SCAF8: variants seen among roughly 807,000 people sequenced by gnomAD.
SCAF8 encodes the protein SR-related CTD associated factor 8, also known as SR-related and CTD-associated factor 8.
Under a neutral mutation model 140.5 loss-of-function variants are expected in SCAF8, and 23 were observed. The observed-to-expected ratio is 0.16, with a 90% CI of 0.12 to 0.23. The LOEUF is 0.23. Ranked by LOEUF, SCAF8 falls within the 10% of genes least tolerant of loss-of-function variation. The probability of loss-of-function intolerance (pLI) is 1.00; values close to 1 mark genes in which losing one functional copy is unlikely to be tolerated. For synonymous variants in SCAF8, 575 were observed against 528.9 expected (o/e 1.09, Z -1.20); for missense variants, 1,397 against 1,555.7 (o/e 0.90, Z 1.72).
At chr6:154,758,986 T>G (rs1409134897) in intron 1 of SCAF8, among the ~76,000 whole-genome samples, 1 of 152,152 alleles carries the variant, frequency 6.6e-6, no homozygotes, top group Non-Finnish European at 1.5e-5. Context: ...AGATCAAAGC[T>G]AGGAGATCAT....
Position 154,771,651 on chromosome 6 carries a change from C to A in SCAF8, c.31-2338C>A, listed in dbSNP as rs538831454. Among the ~76,000 whole-genome samples the A allele has an allele frequency of 5.9e-5, 9 of 152,176 alleles. No homozygotes were observed. In the South Asian group the frequency reaches 1.9e-3, roughly 32 times the overall value. On this transcript the variant is annotated intron_variant, in intron 1 of 19. Coordinates refer to ENST00000367178, the MANE Select transcript of SCAF8 (RefSeq NM_014892.5). ...GTGAATTAATGCAGGAACAGAAAACCAAATGCATGTTCTCACAAGTGAGAG... is the reference window on the plus strand; with the variant it reads ...GTGAATTAATGCAGGAACAGAAAACAAAATGCATGTTCTCACAAGTGAGAG...
chr6:154,776,297 GTA>G (rs763251453), intron 2 of SCAF8, among the ~76,000 whole-genome samples: 3,760 of 43,210 alleles, frequency 0.087, 57 homozygotes, highest in African/African-American at 0.15. Context: ...GTGTATATAT[GTA>G]TATATATATA....
intron 1 of SCAF8, among the ~76,000 whole-genome samples, chr6:154,735,695 G>A (rs952708268): frequency 2.0e-5 from 3 of 151,830 alleles, no homozygotes; most frequent in African/African-American, 7.3e-5. Context: ...TGTATTTTTA[G>A]TAGAGATGGG....
intron 4 of SCAF8, among the ~76,000 whole-genome samples, chr6:154,788,618 A>G (rs1777322844): frequency 6.6e-6 from 1 of 152,220 alleles, no homozygotes; most frequent in Admixed American, 6.5e-5. Context: ...GAATTACATG[A>G]AACTTATTCA....
At chr6:154,827,387 A>G in intron 18 of SCAF8, 147 bp downstream of exon 18, 3 of 602,610 alleles carry the variant, frequency 5.0e-6, no homozygotes, top group Non-Finnish European at 8.5e-6. Context: ...AATACGGTAA[A>G]TGACAGTTCT....
intron 5 of SCAF8, among the ~76,000 whole-genome samples, chr6:154,793,804 A>G (rs1476945960): frequency 6.8e-6 from 1 of 146,328 alleles, no homozygotes; most frequent in East Asian, 2.0e-4. Context: ...AACAAGAGCA[A>G]AACTCTGTCT....
In SCAF8 at chr6:154,815,792, G is replaced by A; in HGVS notation, c.1497G>A (p.Glu499=). The change falls in exon 13 of 20, where the codon GAG becomes GAA. Residue 499 remains glutamate (E), a synonymous_variant. Coordinates refer to ENST00000367178, the MANE Select transcript of SCAF8 (RefSeq NM_014892.5). ...TQQDLTNLFE[E]FGQIESINMI... ...AAGACTTAACCAACCTGTTTGAAGA[G>A]TTTGGACAGATTGAATCCATTAATG... is the stretch of plus-strand genomic sequence containing the variant. The A allele has an allele frequency of 6.2e-7, 1 of 1,611,580 alleles. No individual in the cohort carries two copies. The highest frequency in any genetic ancestry group is 1.1e-5 in the South Asian group (1 of 91,014).
chr6:154,821,716 T>A (rs1778427736), intron 15 of SCAF8, among the ~76,000 whole-genome samples: 1 of 152,178 alleles, frequency 6.6e-6, no homozygotes, highest in South Asian at 2.1e-4. Context: ...CCATTATAGC[T>A]TGCGCAGAGT....
chr6:154,760,740 A>G lies in SCAF8; in HGVS notation c.31-13249A>G, dbSNP rs555746134. 7.6e-4 allele frequency among the ~76,000 whole-genome samples: 115 copies of G among 152,140 alleles called. 1 individual carries two copies. The highest frequency in any genetic ancestry group is 7.6e-4 in the Non-Finnish European group (52 of 67,994). ...TTTTTTTGTATTTTCCAATTTTTTC[A>G]TATTAAAATATTTTATGCCACAAAA... On this transcript the variant is annotated intron_variant, in intron 1 of 19. Transcript: ENST00000367178.
chr6:154,768,511 A>T (rs762423554), intron 1 of SCAF8, among the ~76,000 whole-genome samples: 15 of 152,242 alleles, frequency 9.9e-5, no homozygotes, highest in Non-Finnish European at 1.8e-4. Context: ...GGTGGCTATG[A>T]AATTATTATA....
chr6:154,741,241 TCA>T (rs1421477855), intron 1 of SCAF8, among the ~76,000 whole-genome samples: 4 of 152,310 alleles, frequency 2.6e-5, no homozygotes, highest in African/African-American at 9.6e-5. Flanking sequence ...AGAGTGTTAA[TCA>T]CACATCATTA....
rs538891301 is a variant in SCAF8 at position 154,821,627 on chromosome 6, G to C, written c.1793-649G>C. Among the ~76,000 whole-genome samples the C allele has an allele frequency of 2.2e-4, 33 of 152,314 alleles. No individual in the cohort carries two copies. The East Asian group carries it at 5.4e-3, about 25-fold the overall frequency. On this transcript the variant is annotated intron_variant, in intron 15 of 19. Transcript: ENST00000367178. ...GAGAATGTGATATTCGAAAGGGTAA[G>C]GCAGGCAGCCATCTGGGGAAAGAGT...
intron 3 of SCAF8, among the ~76,000 whole-genome samples, chr6:154,784,120 G>GATATATATGTGTATATATATATATATAT (rs1554260630): frequency 1.9e-5 from 2 of 106,832 alleles, no homozygotes; most frequent in African/African-American, 6.4e-5. Flanking sequence ...GGTGTCTTGA[G>GATATATATGTGTATATATATATATATAT]ATATATATAT....
intron 7 of SCAF8, among the ~76,000 whole-genome samples, chr6:154,803,144 A>C (rs1212984608): frequency 6.6e-6 from 1 of 152,182 alleles, no homozygotes. Context: ...ACCACATAAA[A>C]AGCCTTTAAA....
chr6:154,768,643 T>C (rs1249667923), intron 1 of SCAF8, among the ~76,000 whole-genome samples: 3 of 152,250 alleles, frequency 2.0e-5, no homozygotes, highest in Admixed American at 6.5e-5. Context: ...TATCTACATA[T>C]ATTGTATGCA....
Position 154,788,095 on chromosome 6 carries a change from A to C in SCAF8, c.321+73A>C, listed in dbSNP as rs1583035067. 13 of 1,249,698 alleles carry C rather than the reference A, an allele frequency of 1.0e-5. No homozygotes were observed. The East Asian group carries it at 3.0e-4, about 29-fold the overall frequency. The allele number at this position is 1,249,698 out of a possible 1,614,324, so 77.4% of individuals were successfully genotyped here. ...AGCCTCTTGGTCTTAATTAGTCTTC[A>C]GATTATCTTAGTACAGTCATGTGCC... On this transcript the variant is annotated intron_variant, in intron 4 of 19. Transcript: ENST00000367178.
At chr6:154,809,012 G>A (rs1426486348) in intron 11 of SCAF8, among the ~76,000 whole-genome samples, 1 of 152,126 alleles carries the variant, frequency 6.6e-6, no homozygotes, top group Non-Finnish European at 1.5e-5. Context: ...AAGATTGGCA[G>A]CCATATCATG....
intron 3 of SCAF8, among the ~76,000 whole-genome samples, chr6:154,786,726 G>A (rs138643621): frequency 2.8e-4 from 42 of 152,318 alleles, no homozygotes; most frequent in Non-Finnish European, 5.0e-4. Flanking sequence ...GTTTCAATTA[G>A]AGAGTCTTAG....
At chr6:154,798,289 A>C (rs1300202580) in intron 6 of SCAF8, among the ~76,000 whole-genome samples, 1 of 151,578 alleles carries the variant, frequency 6.6e-6, no homozygotes, top group East Asian at 1.9e-4. Flanking sequence ...GGTTCAGGAA[A>C]GTTCTGTTAT....
Sources: gnomAD v4.1 joint callset for allele counts (sites outside exome capture counted in the v4.1 genomes callset) on GRCh38, gnomAD v4.1.1 for gene constraint, MANE v1.5 for transcripts, NCBI Gene and HGNC (gene_info 2026-07-23, HGNC 2026-07-21) for gene names.